Variants in CFAP119 observed in about 807,000 individuals in gnomAD.
The protein encoded by CFAP119 is cilia and flagella associated protein 119, also known as cilia- and flagella-associated protein 119.
the CFAP119 span, chr16:30,761,767 C>A: frequency 6.6e-7 from 1 of 1,508,046 alleles, no homozygotes; most frequent in Non-Finnish European, 8.9e-7. Context: ...TCTTCCGTGC[C>A]GCGAGGCGCC....
At chr16:30,759,910 C>T in the CFAP119 span, 1 of 1,439,920 alleles carries the variant, frequency 6.9e-7, no homozygotes, top group Non-Finnish European at 9.1e-7. Flanking sequence ...TGGTTTTCGG[C>T]ACTGAACAAG....
At chr16:30,761,575 C>T in the CFAP119 span, 3 of 1,536,044 alleles carry the variant, frequency 2.0e-6, no homozygotes, top group African/African-American at 4.1e-5. Context: ...GGTCTTCATC[C>T]GCTTTCGCCG....
the CFAP119 span, chr16:30,760,512 C>T: frequency 1.2e-6 from 2 of 1,611,286 alleles, no homozygotes; most frequent in Non-Finnish European, 1.7e-6. Flanking sequence ...CCTACACCCA[C>T]CACATGCTTT....
At chr16:30,758,072 CTT>C in the CFAP119 span, 828 of 140,112 alleles carry the variant, frequency 5.9e-3, 2 homozygotes, top group East Asian at 0.026. Flanking sequence ...TTGGCTTTCT[CTT>C]TTTTTTTTTT....
At chr16:30,758,933 G>T in the CFAP119 span, 2 of 1,557,658 alleles carry the variant, frequency 1.3e-6, no homozygotes, top group African/African-American at 1.4e-5. Flanking sequence ...CAAAAAGTCT[G>T]AAGTCCTGAT....
chr16:30,760,795 T>C, the CFAP119 span: 1 of 813,182 alleles, frequency 1.2e-6, no homozygotes, highest in Non-Finnish European at 2.1e-6. Context: ...GCTTGCTGTG[T>C]GACTATGCAA....
At chr16:30,759,378 G>T in the CFAP119 span, 6 of 1,614,230 alleles carry the variant, frequency 3.7e-6, no homozygotes, top group Admixed American at 5.0e-5. Context: ...GCTTGAAGTG[G>T]CGGAAGTAAG....
the CFAP119 span, chr16:30,759,442 A>C: frequency 1.2e-6 from 2 of 1,614,222 alleles, no homozygotes; most frequent in Non-Finnish European, 1.7e-6. Context: ...GAAGAGGTCG[A>C]TGCTGAAAGG....
chr16:30,759,924 G>A, the CFAP119 span: 1 of 1,440,316 alleles, frequency 6.9e-7, no homozygotes, highest in Non-Finnish European at 9.1e-7. Flanking sequence ...GAACAAGACA[G>A]ACAAGGTCCT....
the CFAP119 span, chr16:30,760,318 A>G: frequency 6.2e-7 from 1 of 1,614,050 alleles, no homozygotes; most frequent in Admixed American, 1.7e-5. Context: ...GGAGCAGGGC[A>G]CAAGCCGCTG....
the CFAP119 span, chr16:30,757,668 G>A: frequency 3.7e-6 from 6 of 1,605,250 alleles, no homozygotes; most frequent in Non-Finnish European, 5.1e-6. Flanking sequence ...CAGGGGCAGG[G>A]AAGAAGGGGC....
the CFAP119 span, chr16:30,759,764 G>A: frequency 8.9e-6 from 14 of 1,570,220 alleles, no homozygotes; most frequent in African/African-American, 1.5e-4. Context: ...GGCCCTCTCT[G>A]GTATCCATTC....
the CFAP119 span, chr16:30,758,539 C>T: frequency 4.8e-6 from 1 of 208,714 alleles, no homozygotes; most frequent in Non-Finnish European, 9.7e-6. Flanking sequence ...GGAGCCACTT[C>T]AGCTGTGCTT....
chr16:30,761,346 G>A, the CFAP119 span: 2 of 1,492,668 alleles, frequency 1.3e-6, no homozygotes, highest in African/African-American at 1.4e-5. Flanking sequence ...CTAAGGAGAG[G>A]CGCGGGCGAG....
At chr16:30,760,992 A>T in the CFAP119 span, 1 of 630,782 alleles carries the variant, frequency 1.6e-6, no homozygotes, top group South Asian at 2.0e-5. Context: ...CTCCATTTAC[A>T]TTCTGTCTTT....
At chr16:30,759,217 C>A in the CFAP119 span, 1 of 1,614,158 alleles carries the variant, frequency 6.2e-7, no homozygotes, top group Non-Finnish European at 8.5e-7. Context: ...GGCTGTAGCC[C>A]CATGTAAGTC....
the CFAP119 span, chr16:30,759,695 A>G: frequency 8.1e-6 from 13 of 1,613,578 alleles, no homozygotes; most frequent in Non-Finnish European, 1.0e-5. Flanking sequence ...AAGTAGCGGT[A>G]GCACTCCTCC....
chr16:30,758,809 A>T, the CFAP119 span: 1 of 845,000 alleles, frequency 1.2e-6, no homozygotes, highest in Non-Finnish European at 1.8e-6. Flanking sequence ...CCTGCCTCAG[A>T]TTGTGCTGGG....
At chr16:30,759,665 G>A in the CFAP119 span, 2 of 1,611,868 alleles carry the variant, frequency 1.2e-6, no homozygotes, top group Non-Finnish European at 1.7e-6. Context: ...CTGACTCCAT[G>A]GCAAAAAAGG....
Sources: allele counts gnomAD v4.1 joint callset, GRCh38; gene constraint gnomAD v4.1.1; transcripts MANE v1.5; gene names NCBI Gene and HGNC (gene_info 2026-07-23, HGNC 2026-07-21).